Variants in SYNPR observed in about 807,000 individuals in gnomAD.
SYNPR encodes synaptoporin.
Under a neutral mutation model 32.9 loss-of-function variants are expected in SYNPR, and 23 were observed. The observed-to-expected ratio is 0.70, with a 90% confidence interval of 0.50 to 0.99. The LOEUF (loss-of-function observed/expected upper bound fraction) is 0.99, where lower values mean the gene tolerates loss of function less well. SYNPR is among the 50% of genes least tolerant of loss of function. The probability of loss-of-function intolerance (pLI) is 0.00; values close to 1 mark genes in which losing one functional copy is unlikely to be tolerated. For synonymous variants in SYNPR, 146 were observed against 135.9 expected (o/e 1.07, Z -0.52); for missense variants, 318 against 349.3 (o/e 0.91, Z 0.71).
intron 2 of SYNPR, among the ~76,000 whole-genome samples, chr3:63,479,457 T>TACAC (rs1223820320): frequency 6.6e-6 from 1 of 150,978 alleles, no homozygotes; most frequent in East Asian, 1.9e-4. Context: ...CACACACACA[T>TACAC]ACACACACAC....
chr3:63,588,117 GT>G (rs1446804931), intron 4 of SYNPR, among the ~76,000 whole-genome samples: 2 of 151,990 alleles, frequency 1.3e-5, no homozygotes, highest in African/African-American at 4.8e-5. Flanking sequence ...TGTGTTATCT[GT>G]TTTTTAAAAA....
chr3:63,284,109 A>G (rs2106922154), intron 2 of SYNPR, among the ~76,000 whole-genome samples: 1 of 152,236 alleles, frequency 6.6e-6, no homozygotes, highest in South Asian at 2.1e-4. Context: ...TGCCCGACCC[A>G]CAGGTAATTC....
At chr3:63,268,358 C>A (rs1404771321) in intron 3 of SYNPR, among the ~76,000 whole-genome samples, 2 of 152,068 alleles carry the variant, frequency 1.3e-5, no homozygotes, top group African/African-American at 4.8e-5. Context: ...AAACAGTTGA[C>A]CCTTGAATAA....
chr3:63,414,943 C>T (rs1264152050), intron 2 of SYNPR, among the ~76,000 whole-genome samples: 3 of 152,132 alleles, frequency 2.0e-5, no homozygotes, highest in Admixed American at 2.0e-4. Flanking sequence ...ATTTTCTAAA[C>T]TCAGGAATGT....
At chr3:63,520,261 GA>G (rs1379857558) in intron 3 of SYNPR, among the ~76,000 whole-genome samples, 3 of 152,146 alleles carry the variant, frequency 2.0e-5, no homozygotes, top group Non-Finnish European at 4.4e-5. Flanking sequence ...AAGTTAAATG[GA>G]ATTCTGGGAA....
At chr3:63,296,917 C>T (rs754826486) in intron 2 of SYNPR, among the ~76,000 whole-genome samples, 3 of 152,050 alleles carry the variant, frequency 2.0e-5, no homozygotes, top group Non-Finnish European at 4.4e-5. Context: ...AAAACCATAG[C>T]CACTCACTAC....
intron 3 of SYNPR, among the ~76,000 whole-genome samples, chr3:63,492,661 T>C (rs1169287928): frequency 6.6e-6 from 1 of 152,116 alleles, no homozygotes; most frequent in East Asian, 1.9e-4. Flanking sequence ...CGGCAGAGAT[T>C]AAATCATTGT....
At chr3:63,550,588 T>G (rs1340720806) in intron 3 of SYNPR, among the ~76,000 whole-genome samples, 2 of 152,130 alleles carry the variant, frequency 1.3e-5, no homozygotes, top group Non-Finnish European at 2.9e-5. Flanking sequence ...TGACTGCATA[T>G]TTTTAAAAAT....
At chr3:63,238,570 T>G (rs2086215680) in intron 1 of SYNPR, among the ~76,000 whole-genome samples, 1 of 152,184 alleles carries the variant, frequency 6.6e-6, no homozygotes, top group Non-Finnish European at 1.5e-5. Flanking sequence ...GAGAACCTTC[T>G]TGTTAGGTTA....
At chr3:63,476,352 A>G (rs1486475421) in intron 2 of SYNPR, among the ~76,000 whole-genome samples, 1 of 127,688 alleles carries the variant, frequency 7.8e-6, no homozygotes, top group Non-Finnish European at 1.6e-5. Context: ...GGAAGGAGGG[A>G]AGGGAAGGGA....
At chr3:63,232,084 A>G (rs540974787) in intron 1 of SYNPR, among the ~76,000 whole-genome samples, 1 of 151,740 alleles carries the variant, frequency 6.6e-6, no homozygotes, top group South Asian at 2.1e-4. Flanking sequence ...CACAGGAGAT[A>G]TGAGGTACTT....
At chr3:63,368,240 T>C (rs1575612598) in intron 2 of SYNPR, among the ~76,000 whole-genome samples, 6 of 152,158 alleles carry the variant, frequency 3.9e-5, no homozygotes, top group Admixed American at 3.9e-4. Flanking sequence ...GGTTAGCACA[T>C]TGTCTGCTTC....
chr3:63,498,801 G>A (rs938603270), intron 3 of SYNPR, among the ~76,000 whole-genome samples: 2 of 151,822 alleles, frequency 1.3e-5, no homozygotes, highest in Non-Finnish European at 2.9e-5. Flanking sequence ...CTAGATGAAA[G>A]GGGCATCTTT....
intron 2 of SYNPR, among the ~76,000 whole-genome samples, chr3:63,324,815 GCAGCCACC>G (rs990487342): frequency 2.2e-4 from 34 of 152,196 alleles, no homozygotes; most frequent in African/African-American, 8.2e-4. Context: ...GGTTGCAGCT[GCAGCCACC>G]CAGAATTAGC....
At chr3:63,335,620 A>T (rs953629620) in intron 2 of SYNPR, among the ~76,000 whole-genome samples, 6 of 152,110 alleles carry the variant, frequency 3.9e-5, no homozygotes, top group South Asian at 2.1e-4. Flanking sequence ...TAACCAAGGT[A>T]TTCGCTTGGC....
chr3:63,579,950 T>A (rs1174458526), intron 4 of SYNPR, among the ~76,000 whole-genome samples: 1 of 152,084 alleles, frequency 6.6e-6, no homozygotes, highest in Non-Finnish European at 1.5e-5. Flanking sequence ...TTAAAAATAT[T>A]AAAAATGAAT....
intron 2 of SYNPR, among the ~76,000 whole-genome samples, chr3:63,350,579 T>C (rs1370336824): frequency 1.3e-5 from 2 of 152,196 alleles, no homozygotes; most frequent in African/African-American, 2.4e-5. Flanking sequence ...GAAGAGACAC[T>C]GCACTATTAT....
At chr3:63,454,175 AG>A (rs1199899893) in intron 2 of SYNPR, among the ~76,000 whole-genome samples, 1 of 152,134 alleles carries the variant, frequency 6.6e-6, no homozygotes, top group African/African-American at 2.4e-5. Context: ...AGATAGAATA[AG>A]AGCTATAGAA....
rs6802798 is a variant in SYNPR, at chr3:63,372,360, A to T, written c.84+93618A>T. ...ATTTCCAGTAGCAATGGCTCTGTGT[A>T]TCTCTGAGAGGGAGCTCCCAGAGGC... On this transcript the variant is annotated intron_variant, in intron 2 of 5. Transcript: ENST00000478300. Among the ~76,000 whole-genome samples the T allele has an allele frequency of 3.5e-3, 530 of 151,206 alleles. 2 individuals are homozygous for T. The highest frequency in any genetic ancestry group is 0.012 in the African/African-American group (502 of 41,180).
Sources: allele counts gnomAD v4.1 joint callset (sites outside exome capture counted in the v4.1 genomes callset), GRCh38; gene constraint gnomAD v4.1.1; transcripts MANE v1.5; gene names NCBI Gene and HGNC (gene_info 2026-07-23, HGNC 2026-07-21).